TIAM1: variants seen among roughly 807,000 people sequenced by gnomAD.
TIAM1 encodes rho guanine nucleotide exchange factor TIAM1.
Under a neutral mutation model 163.5 loss-of-function variants are expected in TIAM1, and 65 were observed. The ratio of observed to expected loss-of-function variants is 0.40; its 90% CI spans 0.33 to 0.49. The LOEUF (loss-of-function observed/expected upper bound fraction) is 0.49, where lower values mean the gene tolerates loss of function less well. TIAM1 is among the 20% of genes least tolerant of loss of function. The probability of loss-of-function intolerance (pLI) is 0.77; values close to 1 mark genes in which losing one functional copy is unlikely to be tolerated. For synonymous variants in TIAM1, 833 were observed against 810.1 expected (o/e 1.03, Z -0.48); for missense variants, 1,789 against 2,044.7 (o/e 0.87, Z 2.41).
chr21:31,176,813 G>A (rs2084786199), intron 15 of TIAM1, among the ~76,000 whole-genome samples: 1 of 151,866 alleles, frequency 6.6e-6, no homozygotes, highest in Non-Finnish European at 1.5e-5. Flanking sequence ...CTAAGGCAGT[G>A]GCTCCCAACC....
intron 1 of TIAM1, among the ~76,000 whole-genome samples, chr21:31,555,007 G>C (rs990045838): frequency 2.6e-5 from 4 of 152,074 alleles, no homozygotes; most frequent in Non-Finnish European, 5.9e-5. Flanking sequence ...GCTGGGAAGG[G>C]AATGGAAGGG....
intron 1 of TIAM1, among the ~76,000 whole-genome samples, chr21:31,525,027 G>T (rs2047731578): frequency 6.6e-6 from 1 of 152,092 alleles, no homozygotes; most frequent in Non-Finnish European, 1.5e-5. Context: ...AGGAAAAGGG[G>T]GAGCGAGCAT....
At chr21:31,218,622 T>G (rs1271043691) in intron 8 of TIAM1, among the ~76,000 whole-genome samples, 1 of 151,986 alleles carries the variant, frequency 6.6e-6, no homozygotes, top group Non-Finnish European at 1.5e-5. Flanking sequence ...ATGCAGCCAC[T>G]GAGTCCAAGA....
chr21:31,419,131 C>G (rs2043477389), intron 2 of TIAM1, among the ~76,000 whole-genome samples: 1 of 152,206 alleles, frequency 6.6e-6, no homozygotes, highest in Non-Finnish European at 1.5e-5. Context: ...CTCCTCGCTT[C>G]TCCTCCAAAA....
intron 2 of TIAM1, among the ~76,000 whole-genome samples, chr21:31,374,587 G>C (rs1352835601): frequency 6.6e-6 from 1 of 152,110 alleles, no homozygotes; most frequent in East Asian, 1.9e-4. Context: ...GAACAGGAGG[G>C]GCTGTGAAAC....
chr21:31,254,429 C>CA (rs748207618), intron 4 of TIAM1, among the ~76,000 whole-genome samples: 1 of 152,236 alleles, frequency 6.6e-6, no homozygotes, highest in Non-Finnish European at 1.5e-5. Context: ...CATGGTGGCT[C>CA]ATGCCTATAA....
intron 2 of TIAM1, among the ~76,000 whole-genome samples, chr21:31,407,026 T>C (rs919411265): frequency 1.3e-5 from 2 of 152,090 alleles, no homozygotes; most frequent in Admixed American, 6.5e-5. Flanking sequence ...AACATTCCCA[T>C]GAGCAAGGGA....
At chr21:31,509,593 C>T (rs1431298078) in intron 1 of TIAM1, among the ~76,000 whole-genome samples, 2 of 152,196 alleles carry the variant, frequency 1.3e-5, no homozygotes, top group Non-Finnish European at 2.9e-5. Flanking sequence ...ATCTCCTTCC[C>T]GAGGCACGCC....
At chr21:31,405,332 C>T (rs934092059) in intron 2 of TIAM1, among the ~76,000 whole-genome samples, 6 of 152,114 alleles carry the variant, frequency 3.9e-5, no homozygotes, top group African/African-American at 1.2e-4. Context: ...CTGGGAGGGG[C>T]AGCCAGAAAG....
At chr21:31,194,950 T>TTA (rs2085772951) in intron 13 of TIAM1, among the ~76,000 whole-genome samples, 1 of 152,206 alleles carries the variant, frequency 6.6e-6, no homozygotes, top group African/African-American at 2.4e-5. Flanking sequence ...TGTTGTAATT[T>TTA]TATCTTTTGA....
At chr21:31,363,827 T>C (rs889957087) in intron 2 of TIAM1, among the ~76,000 whole-genome samples, 1 of 152,180 alleles carries the variant, frequency 6.6e-6, no homozygotes, top group Admixed American at 6.5e-5. Context: ...GAAACTCTGG[T>C]TGGTTGGGGG....
At chr21:31,360,530 G>A (rs950749962) in intron 2 of TIAM1, among the ~76,000 whole-genome samples, 1 of 152,000 alleles carries the variant, frequency 6.6e-6, no homozygotes, top group Non-Finnish European at 1.5e-5. Context: ...TAAAAAGCCA[G>A]TAACTGATCA....
intron 1 of TIAM1, among the ~76,000 whole-genome samples, chr21:31,471,098 CCTCCGGG>C (rs2045724067): frequency 6.6e-6 from 1 of 152,210 alleles, no homozygotes; most frequent in Admixed American, 6.5e-5. Flanking sequence ...GTTCTGAAAA[CCTCCGGG>C]CTGCTGAGAG....
intron 2 of TIAM1, among the ~76,000 whole-genome samples, chr21:31,434,321 A>T (rs1005364461): frequency 3.3e-5 from 5 of 152,158 alleles, no homozygotes; most frequent in African/African-American, 1.2e-4. Flanking sequence ...CAGACTAAAT[A>T]CCAAACAGAT....
intron 6 of TIAM1, 112 bp downstream of exon 6, chr21:31,245,372 TAAAA>T (rs35494700): frequency 0.022 from 4,577 of 207,914 alleles, no homozygotes; most frequent in East Asian, 0.036. Flanking sequence ...ATCTCACCAC[TAAAA>T]AAAAAAAAAA....
At chr21:31,366,227 T>C (rs2147145518) in intron 2 of TIAM1, among the ~76,000 whole-genome samples, 1 of 152,194 alleles carries the variant, frequency 6.6e-6, no homozygotes, top group Non-Finnish European at 1.5e-5. Flanking sequence ...AAGTAAACCG[T>C]ACTCATAACC....
intron 2 of TIAM1, among the ~76,000 whole-genome samples, chr21:31,299,764 A>G (rs980564323): frequency 3.3e-5 from 5 of 152,148 alleles, no homozygotes; most frequent in African/African-American, 1.2e-4. Context: ...CCCAAATGAC[A>G]GTGGAAAGTC....
chr21:31,408,739 G>T (rs1413730951), intron 2 of TIAM1, among the ~76,000 whole-genome samples: 2 of 152,036 alleles, frequency 1.3e-5, no homozygotes, highest in African/African-American at 4.8e-5. Context: ...CTATTTTGAG[G>T]ACACTGATGA....
chr21:31,303,730 C>A (rs1252235540), intron 2 of TIAM1, among the ~76,000 whole-genome samples: 1 of 152,136 alleles, frequency 6.6e-6, no homozygotes, highest in East Asian at 1.9e-4. Context: ...GTAATCCCAG[C>A]ACTTTGGGAG....
Sources: allele counts gnomAD v4.1 joint callset (sites outside exome capture counted in the v4.1 genomes callset), GRCh38; gene constraint gnomAD v4.1.1; transcripts MANE v1.5; gene names NCBI Gene and HGNC (gene_info 2026-07-23, HGNC 2026-07-21).